Variants in TMCC2 observed in about 807,000 individuals in gnomAD.
TMCC2 encodes the protein transmembrane and coiled-coil domain family 2, also known as transmembrane and coiled-coil domains protein 2.
Under a neutral mutation model 49.4 loss-of-function variants are expected in TMCC2, and 16 were observed. The observed-to-expected ratio is 0.32, with a 90% confidence interval of 0.22 to 0.49. The LOEUF is 0.49. TMCC2 is among the 20% of genes least tolerant of loss of function. The probability of loss-of-function intolerance (pLI) is 0.99; values close to 1 mark genes in which losing one functional copy is unlikely to be tolerated. For missense variants in TMCC2, 762 were observed against 989.8 expected (o/e 0.77, Z 3.09); for synonymous variants, 397 against 434.1 (o/e 0.91, Z 1.06).
At chr1:205,233,504 C>T (rs969031522) in intron 1 of TMCC2, among the ~76,000 whole-genome samples, 3 of 152,176 alleles carry the variant, frequency 2.0e-5, no homozygotes, top group Non-Finnish European at 2.9e-5. Flanking sequence ...TCCCTGCTGG[C>T]TCTCCGCCTT....
chr1:205,245,893 A>C (rs2102554488), intron 2 of TMCC2, among the ~76,000 whole-genome samples: 1 of 150,442 alleles, frequency 6.6e-6, no homozygotes, highest in South Asian at 2.1e-4. Context: ...CTCCTGCCTC[A>C]GCCTCCCGAG....
intron 1 of TMCC2, among the ~76,000 whole-genome samples, chr1:205,233,333 C>G (rs939530539): frequency 1.3e-5 from 2 of 152,186 alleles, no homozygotes; most frequent in Non-Finnish European, 2.9e-5. Context: ...CCATCATTCC[C>G]CTCCTGGTTT....
chr1:205,269,923 C>G (rs770431175), intron 3 of TMCC2, 39 bp downstream of exon 3: 2 of 1,578,384 alleles, frequency 1.3e-6, no homozygotes, highest in Non-Finnish European at 8.6e-7. Context: ...CCCAGCCGGA[C>G]GTGGGATGAG....
chr1:205,244,356 T>C (rs1358741512), intron 2 of TMCC2, among the ~76,000 whole-genome samples: 1 of 152,130 alleles, frequency 6.6e-6, no homozygotes, highest in African/African-American at 2.4e-5. Flanking sequence ...GATCCAGAAG[T>C]CAGCATCGTC....
In TMCC2 at chr1:205,271,923, G is replaced by GTT. The variant is rs1281030693; in HGVS notation, c.1929_1930insTT (p.Gly644LeufsTer7). ...AGAATGCCAACGCGCGGGCGCTGCT[G>GTT]GGCAAGTTCATCAACGTGATCCTGG... On this transcript the variant is annotated frameshift_variant, in exon 5 of 5. Coordinates refer to ENST00000358024, the MANE Select transcript of TMCC2 (RefSeq NM_014858.4). LOFTEE classifies it high-confidence loss of function. 1 of 1,614,080 alleles carries GTT rather than the reference G, an allele frequency of 6.2e-7. No homozygotes were observed. The highest frequency in any genetic ancestry group is 8.5e-7 in the Non-Finnish European group (1 of 1,180,042).
chr1:205,269,947 G>A, intron 3 of TMCC2, 63 bp downstream of exon 3: 1 of 1,518,616 alleles, frequency 6.6e-7, no homozygotes, highest in Non-Finnish European at 8.9e-7. Flanking sequence ...AGGAGCACTG[G>A]GTTTCAGACC....
chr1:205,257,503 T>G, intron 2 of TMCC2: 85 of 955,718 alleles, frequency 8.9e-5, no homozygotes, highest in Non-Finnish European at 1.1e-4. Flanking sequence ...CCTCCAGGTA[T>G]AGAGAACTGT....
chr1:205,251,004 C>A (rs1398156980), intron 2 of TMCC2, among the ~76,000 whole-genome samples: 1 of 152,202 alleles, frequency 6.6e-6, no homozygotes, highest in African/African-American at 2.4e-5. Flanking sequence ...AAACGTGACC[C>A]CAGTCCCCTC....
chr1:205,248,647 G>A (rs1174595423), intron 2 of TMCC2, among the ~76,000 whole-genome samples: 2 of 152,148 alleles, frequency 1.3e-5, no homozygotes, highest in South Asian at 4.2e-4. Context: ...CTGGTTATAC[G>A]TCCAGTGGAG....
rs554026264 is a variant in TMCC2 at position 205,241,299 on chromosome 1, C to T, written c.208-206C>T. On this transcript the variant is annotated intron_variant, in intron 1 of 4. Coordinates refer to ENST00000358024, the MANE Select transcript of TMCC2 (RefSeq NM_014858.4). The surrounding 1 kb of genome is among the most constrained non-coding windows in gnomAD (Gnocchi z 7.3). The stretch of plus-strand genomic sequence containing the variant: ...GAAAACCGTGGGGGCACACTTCTTT[C>T]GGAATGAAAGGATGGGTCTGGGTTG... Among the ~76,000 whole-genome samples the T allele has an allele frequency of 2.6e-5, 4 of 152,174 alleles. No homozygotes were observed. Among genetic ancestry groups the T allele is most frequent in the Admixed American group, 6.5e-5 (1 of 15,276 alleles).
chr1:205,246,644 A>C, intron 2 of TMCC2: 1 of 1,550,380 alleles, frequency 6.5e-7, no homozygotes, highest in Non-Finnish European at 8.7e-7. Flanking sequence ...TCAGCCCTTA[A>C]TGAGCAGACA....
Position 205,267,795 on chromosome 1 carries a change from C to T in TMCC2, c.748-1155C>T, listed in dbSNP as rs1015930394. 4.7e-6 allele frequency: 4 copies of T among 847,798 alleles called. No homozygotes were observed. In the African/African-American group the frequency reaches 5.5e-5, roughly 12 times the overall value. 52.5% of individuals were successfully genotyped at this position (847,798 alleles called of 1,614,324 possible). On this transcript the variant is annotated intron_variant, in intron 2 of 4. Coordinates refer to ENST00000358024, the MANE Select transcript of TMCC2 (RefSeq NM_014858.4). Reference sequence around the variant, plus strand: ...CTGATGCACTCGGGAAGCCTGCCCGCCTGGTGGGGAGTGAAGGGGGCTGTC... The same window carrying T: ...CTGATGCACTCGGGAAGCCTGCCCGTCTGGTGGGGAGTGAAGGGGGCTGTC...
At chr1:205,267,383 C>A (rs1661385067) in intron 2 of TMCC2, among the ~76,000 whole-genome samples, 1 of 152,150 alleles carries the variant, frequency 6.6e-6, no homozygotes, top group Non-Finnish European at 1.5e-5. Flanking sequence ...TGTGACTGGG[C>A]CACTATCTTT....
At chr1:205,245,293 A>G (rs1660413931) in intron 2 of TMCC2, among the ~76,000 whole-genome samples, 1 of 152,196 alleles carries the variant, frequency 6.6e-6, no homozygotes, top group South Asian at 2.1e-4. Flanking sequence ...AAGAGCCTGC[A>G]GGGGCCCAAG....
At chr1:205,258,292 T>G (rs1660960351) in intron 2 of TMCC2, among the ~76,000 whole-genome samples, 1 of 152,114 alleles carries the variant, frequency 6.6e-6, no homozygotes, top group Non-Finnish European at 1.5e-5. Flanking sequence ...TTAAAGCTAC[T>G]GAGGGCATGC....
At chr1:205,246,760 A>C in intron 2 of TMCC2, 2 of 1,486,604 alleles carry the variant, frequency 1.3e-6, no homozygotes, top group Non-Finnish European at 1.8e-6. Context: ...TCTGGTATGC[A>C]GCTATTTTAT....
intron 2 of TMCC2, among the ~76,000 whole-genome samples, chr1:205,254,395 C>T (rs1392211627): frequency 6.6e-6 from 1 of 152,208 alleles, no homozygotes; most frequent in East Asian, 1.9e-4. Flanking sequence ...TCTACAGGGC[C>T]TTTCCCACCA....
chr1:205,228,876 A>G, intron 1 of TMCC2, 105 bp downstream of exon 1: 3 of 1,456,252 alleles, frequency 2.1e-6, no homozygotes, highest in Middle Eastern at 2.5e-4. Flanking sequence ...AAGCCAGGCA[A>G]AGGTCAGAGA....
chr1:205,241,356 G>A lies in TMCC2; in HGVS notation c.208-149G>A, dbSNP rs551427320. The A allele has an allele frequency of 2.3e-5, 21 of 897,476 alleles. No homozygotes were observed. Among genetic ancestry groups the A allele is most frequent in the Middle Eastern group, 2.4e-4 (1 of 4,098 alleles). 55.6% of individuals were successfully genotyped at this position (897,476 alleles called of 1,614,324 possible). On this transcript the variant is annotated intron_variant, in intron 1 of 4. Transcript: ENST00000358024. This position sits in a 1 kb window ranked among gnomAD's most constrained non-coding sequence, Gnocchi z 7.3. The stretch of plus-strand genomic sequence containing the variant: ...TTTCGCAAACTGACCCTTTATGCAC[G>A]ACGGGCCATCCACAGAGATCTTCCA...
Sources: allele counts gnomAD v4.1 joint callset (sites outside exome capture counted in the v4.1 genomes callset), GRCh38; gene constraint gnomAD v4.1.1; non-coding constraint Gnocchi (gnomAD v3.1); transcripts MANE v1.5; gene names NCBI Gene and HGNC (gene_info 2026-07-23, HGNC 2026-07-21).